Variants in ROBO2 observed in about 807,000 individuals in gnomAD.
The protein encoded by ROBO2 is roundabout guidance receptor 2.
A neutral mutation model predicts 160.8 loss-of-function variants in ROBO2; 53 were observed. That is an observed-to-expected ratio of 0.33 (90% CI 0.26 to 0.41). The LOEUF is 0.41. Ranked by LOEUF, ROBO2 falls within the 10% of genes least tolerant of loss-of-function variation. The pLI is 1.00. For missense variants in ROBO2, 1,577 were observed against 1,722.4 expected (o/e 0.92, Z 1.49); for synonymous variants, 664 against 611.7 (o/e 1.09, Z -1.26).
chr3:76,148,055 A>T (rs2071986371), intron 2 of ROBO2, among the ~76,000 whole-genome samples: 1 of 152,044 alleles, frequency 6.6e-6, no homozygotes, highest in South Asian at 2.1e-4. Flanking sequence ...AGCTGGCCTA[A>T]TGATTAATGC....
intron 2 of ROBO2, among the ~76,000 whole-genome samples, chr3:76,523,865 G>A (rs539327968): frequency 6.6e-6 from 1 of 152,138 alleles, no homozygotes; most frequent in Non-Finnish European, 1.5e-5. Flanking sequence ...ATATGGGAAA[G>A]ATGAGGCAAA....
At chr3:77,589,133 T>G (rs1431140298) in intron 17 of ROBO2, among the ~76,000 whole-genome samples, 200 bp downstream of exon 18, 1 of 152,102 alleles carries the variant, frequency 6.6e-6, no homozygotes, top group Non-Finnish European at 1.5e-5. Context: ...TCTGTTTGCT[T>G]GTAGCTCCAG....
intron 21 of ROBO2, among the ~76,000 whole-genome samples, chr3:77,609,458 G>A (rs917826256): frequency 2.0e-5 from 3 of 152,034 alleles, no homozygotes; most frequent in African/African-American, 7.2e-5. Flanking sequence ...TGTAAAACAG[G>A]AAGAGAAAGT....
intron 2 of ROBO2, among the ~76,000 whole-genome samples, chr3:77,138,589 A>G (rs2076460843): frequency 6.6e-6 from 1 of 152,276 alleles, no homozygotes; most frequent in Admixed American, 6.5e-5. Flanking sequence ...GTGAATAGAT[A>G]AAAGGATTCA....
intron 2 of ROBO2, among the ~76,000 whole-genome samples, chr3:76,681,655 T>G (rs2092564457): frequency 6.6e-6 from 1 of 152,126 alleles, no homozygotes. Flanking sequence ...AATTGACTTG[T>G]GCAAAGACCC....
At chr3:76,595,819 T>C (rs1179409201) in intron 2 of ROBO2, among the ~76,000 whole-genome samples, 1 of 152,046 alleles carries the variant, frequency 6.6e-6, no homozygotes, top group Admixed American at 6.6e-5. Flanking sequence ...CACAGATAGT[T>C]TTGTAAACCA....
At chr3:77,465,703 A>G (rs895041321) in intron 2 of ROBO2, among the ~76,000 whole-genome samples, 3 of 152,216 alleles carry the variant, frequency 2.0e-5, no homozygotes, top group Non-Finnish European at 4.4e-5. Context: ...TGGGTAAAAC[A>G]CACATATAAT....
At chr3:77,216,439 G>C (rs996325726) in intron 2 of ROBO2, among the ~76,000 whole-genome samples, 3 of 152,156 alleles carry the variant, frequency 2.0e-5, no homozygotes, top group Admixed American at 6.5e-5. Flanking sequence ...GCAGTATTAG[G>C]GTGGGAGTGA....
intron 2 of ROBO2, among the ~76,000 whole-genome samples, chr3:76,783,418 A>ACC (rs1394513916): frequency 8.9e-6 from 1 of 112,746 alleles, no homozygotes; most frequent in East Asian, 2.8e-4. Context: ...AAATGATGAA[A>ACC]TCTCAGTGTT....
intron 2 of ROBO2, among the ~76,000 whole-genome samples, chr3:76,120,623 T>C (rs1446234959): frequency 6.6e-6 from 1 of 152,192 alleles, no homozygotes; most frequent in Non-Finnish European, 1.5e-5. Flanking sequence ...CAAGGACCAC[T>C]CTACTTTAAA....
At chr3:77,135,928 A>G (rs1351594225) in intron 2 of ROBO2, among the ~76,000 whole-genome samples, 3 of 152,240 alleles carry the variant, frequency 2.0e-5, no homozygotes, top group Non-Finnish European at 4.4e-5. Flanking sequence ...TCAATTGCTT[A>G]AAGTTTTCAT....
In ROBO2 at chr3:76,453,649, T is replaced by C. The variant is rs149007910; in HGVS notation, c.109+516047T>C. 1.9e-3 allele frequency among the ~76,000 whole-genome samples: 288 copies of C among 152,306 alleles called. 1 individual carries two copies. The highest frequency in any genetic ancestry group is 6.7e-3 in the African/African-American group (279 of 41,586). ...TTGTTCTTTTGGCTAAGCCAACTTATTTTTAAAATACCATAAATTCAAATA... is the reference window on the plus strand; with the variant it reads ...TTGTTCTTTTGGCTAAGCCAACTTACTTTTAAAATACCATAAATTCAAATA... On this transcript the variant is annotated intron_variant, in intron 2 of 26. Coordinates refer to the ROBO2 transcript ENST00000487694.
At chr3:77,387,998 T>C (rs904618504) in intron 2 of ROBO2, among the ~76,000 whole-genome samples, 3 of 152,060 alleles carry the variant, frequency 2.0e-5, no homozygotes, top group Admixed American at 6.6e-5. Flanking sequence ...AACTTCCAAA[T>C]TGATCAAGAA....
intron 24 of ROBO2, 103 bp downstream of exon 26, chr3:77,643,046 G>T (rs1172292282): frequency 7.5e-6 from 3 of 400,066 alleles, no homozygotes; most frequent in Non-Finnish European, 1.5e-5. Flanking sequence ...AAAAACATTT[G>T]CCTTCAATCG....
At chr3:76,175,382 T>C (rs756162210) in intron 2 of ROBO2, among the ~76,000 whole-genome samples, 2 of 151,984 alleles carry the variant, frequency 1.3e-5, no homozygotes, top group Non-Finnish European at 2.9e-5. Context: ...GCTAATTGTT[T>C]TAAGCTTTAG....
At position 76,302,164 on chromosome 3, in the gene ROBO2, A is replaced by G. The variant is rs186830199; in HGVS notation, c.109+364562A>G. On this transcript the variant is annotated intron_variant, in intron 2 of 26. Coordinates refer to the ROBO2 transcript ENST00000487694. ...ATATATGGCTATATGATAAGCCTAC[A>G]GCTATTTGTACAGCAATTCCTAATT... 6.6e-5 allele frequency among the ~76,000 whole-genome samples: 10 copies of G among 152,186 alleles called. No homozygotes were observed. In the East Asian group the frequency reaches 1.9e-3, roughly 29 times the overall value.
intron 2 of ROBO2, among the ~76,000 whole-genome samples, chr3:77,306,402 C>T (rs546340856): frequency 4.6e-5 from 7 of 152,078 alleles, no homozygotes; most frequent in African/African-American, 4.8e-5. Context: ...GGCAAAGCAA[C>T]GCAAATGTAT....
intron 2 of ROBO2, among the ~76,000 whole-genome samples, chr3:76,860,890 T>G (rs2148613706): frequency 6.6e-6 from 1 of 152,180 alleles, no homozygotes; most frequent in East Asian, 1.9e-4. Context: ...CTGCACTTAT[T>G]TAAAGTGTGT....
chr3:76,792,231 G>A lies in ROBO2; in HGVS notation c.110-305783G>A, dbSNP rs151019257. 3.3e-3 allele frequency among the ~76,000 whole-genome samples: 509 copies of A among 151,966 alleles called. 4 individuals are homozygous for A. Among genetic ancestry groups the A allele is most frequent in the African/African-American group, 0.012 (486 of 41,520 alleles). On this transcript the variant is annotated intron_variant, in intron 2 of 26. Transcript: ENST00000487694. ...ATATAAATGCACAGCACTCTCATAT[G>A]TCATAAAGTTTTTGCAAGTGTTAAG... is the stretch of plus-strand genomic sequence containing the variant.
Sources: gnomAD v4.1 joint callset for allele counts (sites outside exome capture counted in the v4.1 genomes callset) on GRCh38, gnomAD v4.1.1 for gene constraint, MANE v1.5 for transcripts, NCBI Gene and HGNC (gene_info 2026-07-23, HGNC 2026-07-21) for gene names.